DYRK4: variants seen among roughly 807,000 people sequenced by gnomAD.
The protein encoded by DYRK4 is dual specificity tyrosine-phosphorylation-regulated kinase 4.
In DYRK4, 64 loss-of-function variants were observed where a neutral mutation model predicts 68.3. The observed-to-expected ratio is 0.94, with a 90% CI of 0.77 to 1.15. The LOEUF (loss-of-function observed/expected upper bound fraction) is 1.15. Among genes scored for constraint, DYRK4 ranks in the 50% most tolerant of loss-of-function variants. DYRK4 has a pLI of 0.00. For missense variants in DYRK4, 740 were observed against 764.7 expected, an observed-to-expected ratio of 0.97 and a Z score of 0.38; for synonymous variants, 274 against 289.9, an observed-to-expected ratio of 0.95 and a Z score of 0.56.
intron 2 of DYRK4, among the ~76,000 whole-genome samples, chr12:4,586,288 C>G (rs980224289): frequency 1.3e-5 from 2 of 152,164 alleles, no homozygotes; most frequent in African/African-American, 4.8e-5. Flanking sequence ...TTAGACTGCA[C>G]AGGAAGCACC....
At position 4,613,567 on chromosome 12, in the gene DYRK4, T is replaced by C. The variant is rs1945253762; in HGVS notation, c.1719T>C (p.His573=). 2 of 1,614,122 alleles carry C rather than the reference T, an allele frequency of 1.2e-6. No homozygotes were observed. The highest frequency in any genetic ancestry group is 1.1e-5 in the South Asian group (1 of 91,086). The change falls in exon 15 of 15, where the codon CAT becomes CAC. Residue 573 remains histidine, a synonymous_variant. Coordinates refer to ENST00000543431, the MANE Select transcript of DYRK4 (RefSeq NM_001394779.1). This position sits in a 1 kb window ranked among gnomAD's most constrained non-coding sequence, Gnocchi z 4.0. ...TEKTKDSPTK[H]VQHSGDQQDC... ...AAACAAAAGATAGCCCCACGAAGCA[T>C]GTTCAGCATTCAGGTGATCAGCAGG...
At chr12:4,596,843 A>T in intron 8 of DYRK4, 114 bp downstream of exon 8, 1 of 1,553,224 alleles carries the variant, frequency 6.4e-7, no homozygotes, top group Non-Finnish European at 8.6e-7. Context: ...ACTAGAATGG[A>T]CATGACAGTC....
intron 2 of DYRK4, among the ~76,000 whole-genome samples, chr12:4,582,682 A>G (rs925852380): frequency 3.9e-5 from 6 of 152,140 alleles, no homozygotes; most frequent in Non-Finnish European, 5.9e-5. Flanking sequence ...CGATGGGGAC[A>G]TGGACTGGAT....
At chr12:4,575,298 A>ATTTTGTGTGTGTGTGTGT (rs562026104) in intron 2 of DYRK4, among the ~76,000 whole-genome samples, 38 of 144,184 alleles carry the variant, frequency 2.6e-4, no homozygotes, top group South Asian at 8.7e-4. Context: ...ACAATAACTT[A>ATTTTGTGTGTGTGTGTGT]CTGTGTGTGT....
intron 1 of DYRK4, among the ~76,000 whole-genome samples, chr12:4,566,644 T>C (rs1002352636): frequency 1.3e-5 from 2 of 152,242 alleles, no homozygotes; most frequent in South Asian, 4.1e-4. Context: ...GGAGTTTTCT[T>C]TGAGGGCAGA....
intron 10 of DYRK4, chr12:4,603,025 T>G: frequency 1.0e-6 from 1 of 967,560 alleles, no homozygotes; most frequent in Non-Finnish European, 1.6e-6. Context: ...TGTTAGCTTG[T>G]ACAATTTTCT....
rs192996184 is a variant in DYRK4 at position 4,588,552 on chromosome 12, A to C, written c.133-385A>C. On this transcript the variant is annotated intron_variant, in intron 2 of 14. Transcript: ENST00000543431. The stretch of plus-strand genomic sequence containing the variant: ...TCCACTATGCCACCTTCAGAGCCAC[A>C]CTCAGGGCGAAAAGACTTCCAGGCA... Among the ~76,000 whole-genome samples the C allele has an allele frequency of 2.6e-5, 4 of 152,236 alleles. No homozygotes were observed. The East Asian group carries it at 7.7e-4, about 29-fold the overall frequency.
rs763252711 is a variant in DYRK4 at position 4,593,102 on chromosome 12, C to T, written c.564C>T (p.Leu188=). Residue 188 remains leucine (L), a synonymous_variant, in exon 6 of 15, where the codon CTC becomes CTT. Transcript: ENST00000543431. ...LWFLGLEAKK[L]DTAPEKFSKT... is the part of the protein sequence containing the mutation. ...TCCTGGGTCTTGAAGCCAAGAAGCTCGACACGGCTCCTGAGAAATTTAGCA... is the reference window on the plus strand; with the variant it reads ...TCCTGGGTCTTGAAGCCAAGAAGCTTGACACGGCTCCTGAGAAATTTAGCA... 6.8e-6 allele frequency: 11 copies of T among 1,613,974 alleles called. No homozygotes were observed. Among genetic ancestry groups the T allele is most frequent in the Admixed American group, 5.0e-5 (3 of 60,002 alleles).
chr12:4,592,721 T>G, intron 5 of DYRK4: 1 of 297,766 alleles, frequency 3.4e-6, no homozygotes, highest in Non-Finnish European at 6.2e-6. Flanking sequence ...CTCCTGGAAT[T>G]TTTACCTGCG....
chr12:4,580,931 C>T (rs1944836385), intron 2 of DYRK4: 1 of 454,348 alleles, frequency 2.2e-6, no homozygotes, highest in African/African-American at 2.0e-5. Context: ...GCTGGGTGGC[C>T]TGAGGCCTGC....
rs1341105228 is a variant in DYRK4, at chr12:4,591,592, C to G, written c.463+294C>G. ...CCTAAGGAGCCCAGACACAAGGCTCCTGTCATTTTATGGACCCAGGGGCCA... is the reference window on the plus strand; with the variant it reads ...CCTAAGGAGCCCAGACACAAGGCTCGTGTCATTTTATGGACCCAGGGGCCA... On this transcript the variant is annotated intron_variant, in intron 5 of 14. Coordinates refer to ENST00000543431, the MANE Select transcript of DYRK4 (RefSeq NM_001394779.1). This position sits in a 1 kb window ranked among gnomAD's most constrained non-coding sequence, Gnocchi z 4.1. 2 of 347,122 alleles carry G rather than the reference C, an allele frequency of 5.8e-6. No individual in the cohort carries two copies. The highest frequency in any genetic ancestry group is 1.0e-5 in the Non-Finnish European group (2 of 191,704). The allele number at this position is 347,122 out of a possible 1,614,324, so 21.5% of individuals were successfully genotyped here.
intron 6 of DYRK4, among the ~76,000 whole-genome samples, chr12:4,595,564 G>T (rs1489190480): frequency 1.3e-5 from 2 of 152,142 alleles, no homozygotes; most frequent in African/African-American, 4.8e-5. Context: ...CACCAAGAAA[G>T]GTCCAAGTTC....
intron 2 of DYRK4, among the ~76,000 whole-genome samples, chr12:4,572,471 A>G (rs1944742087): frequency 6.6e-6 from 1 of 151,984 alleles, no homozygotes; most frequent in Non-Finnish European, 1.5e-5. Flanking sequence ...TTGTTGTTGT[A>G]TTTTTAGTAG....
intron 2 of DYRK4, among the ~76,000 whole-genome samples, chr12:4,579,223 G>A (rs990028264): frequency 9.2e-5 from 14 of 152,112 alleles, no homozygotes; most frequent in Admixed American, 4.6e-4. Context: ...GCAGTGAGCC[G>A]AGATTGTACC....
chr12:4,576,750 C>T (rs1440318156), intron 2 of DYRK4, among the ~76,000 whole-genome samples: 1 of 152,110 alleles, frequency 6.6e-6, no homozygotes, highest in African/African-American at 2.4e-5. Context: ...TTTGCAATTG[C>T]CTAATAACAT....
chr12:4,566,405 T>G (rs973396987), intron 1 of DYRK4, among the ~76,000 whole-genome samples: 19 of 152,204 alleles, frequency 1.2e-4, no homozygotes, highest in African/African-American at 4.6e-4. Context: ...CATATTTATG[T>G]TCTTTGTGTG....
intron 8 of DYRK4, among the ~76,000 whole-genome samples, chr12:4,597,452 G>T (rs1591801811): frequency 6.6e-6 from 1 of 152,224 alleles, no homozygotes; most frequent in African/African-American, 2.4e-5. Flanking sequence ...ATTTGAATTA[G>T]CAGGTAAGGT....
At chr12:4,568,970 C>A (rs997178197) in intron 2 of DYRK4, among the ~76,000 whole-genome samples, 3 of 152,230 alleles carry the variant, frequency 2.0e-5, no homozygotes, top group Non-Finnish European at 2.9e-5. Context: ...ATCCTGCCTG[C>A]ATCACTGTTT....
At chr12:4,572,327 G>T (rs1944738373) in intron 2 of DYRK4, among the ~76,000 whole-genome samples, 1 of 152,104 alleles carries the variant, frequency 6.6e-6, no homozygotes, top group South Asian at 2.1e-4. Context: ...TGTCGCCCAG[G>T]CTGGAGTGCA....
Sources: allele counts gnomAD v4.1 joint callset (sites outside exome capture counted in the v4.1 genomes callset), GRCh38; gene constraint gnomAD v4.1.1; non-coding constraint Gnocchi (gnomAD v3.1); transcripts MANE v1.5; gene names NCBI Gene and HGNC (gene_info 2026-07-23, HGNC 2026-07-21).